TCF20: variants seen among roughly 807,000 people sequenced by gnomAD.
TCF20 encodes SPRE-binding protein.
In TCF20, 3 loss-of-function variants were observed where a neutral mutation model predicts 148.6. The ratio of observed to expected loss-of-function variants is 0.02; its 90% confidence interval spans 0.01 to 0.05. TCF20 has a LOEUF of 0.05. Among genes scored for constraint, TCF20 ranks in the 10% least tolerant of loss-of-function variants. The pLI is 1.00. For synonymous variants in TCF20, 1,049 were observed against 909.5 expected (o/e 1.15, Z -2.76); for missense variants, 2,350 against 2,429.3 (o/e 0.97, Z 0.69).
At chr22:42,164,343 T>C (rs550101128) in intron 5 of TCF20, among the ~76,000 whole-genome samples, 1 of 151,550 alleles carries the variant, frequency 6.6e-6, no homozygotes, top group African/African-American at 2.4e-5. Flanking sequence ...GTCTCCCGAG[T>C]AGCTGGGACT....
intron 2 of TCF20, among the ~76,000 whole-genome samples, chr22:42,185,650 T>C (rs1937008638): frequency 6.6e-6 from 1 of 152,216 alleles, no homozygotes; most frequent in African/African-American, 2.4e-5. Context: ...TTCAAGGCCC[T>C]GTGAGCATTT....
At chr22:42,336,300 A>G (rs894637363) in intron 1 of TCF20, among the ~76,000 whole-genome samples, 35 of 152,148 alleles carry the variant, frequency 2.3e-4, no homozygotes, top group African/African-American at 8.2e-4. Context: ...CCCACCCCAG[A>G]CAGCCTCTCT....
upstream of TCF20, among the ~76,000 whole-genome samples, chr22:42,284,794 C>T (rs86669): frequency 0.47 from 71,466 of 152,136 alleles, 17,399 homozygotes; most frequent in South Asian, 0.58. Flanking sequence ...GCACCTACTA[C>T]CTGCAAGCCC....
chr22:42,253,971 G>A (rs1925576341), intron 1 of TCF20, among the ~76,000 whole-genome samples: 1 of 151,764 alleles, frequency 6.6e-6, no homozygotes, highest in African/African-American at 2.4e-5. Flanking sequence ...AGCTACTTGG[G>A]AGGCTGAGGC....
chr22:42,338,667 C>T lies in TCF20; in HGVS notation c.-37+4812G>A, dbSNP rs1013783239. On this transcript the variant is annotated intron_variant, in intron 1 of 1. Transcript: ENST00000515426. This position sits in a 1 kb window ranked among gnomAD's most constrained non-coding sequence, Gnocchi z 4.0. ...CAGACAGCCATGTTGCCAGCTCCTG[C>T]GACGGAGGCTGCCAGGCGGGACGGG... Among the ~76,000 whole-genome samples, 7 of 152,196 alleles carry T rather than the reference C, an allele frequency of 4.6e-5. No homozygotes were observed. Among genetic ancestry groups the T allele is most frequent in the Admixed American group, 3.3e-4 (5 of 15,280 alleles).
chr22:42,245,525 C>T (rs1046734312), intron 1 of TCF20, among the ~76,000 whole-genome samples: 2 of 152,112 alleles, frequency 1.3e-5, no homozygotes, highest in Non-Finnish European at 2.9e-5. Flanking sequence ...GAACTGAGTC[C>T]TAGTACTAAA....
At chr22:42,166,802 G>C (rs1935816040) in intron 5 of TCF20, among the ~76,000 whole-genome samples, 1 of 152,076 alleles carries the variant, frequency 6.6e-6, no homozygotes, top group Admixed American at 6.6e-5. Context: ...TCCTTAACCA[G>C]GTCTTCTAGG....
In TCF20 at chr22:42,214,149, G is replaced by A. The variant is rs1241254158; in HGVS notation, c.1157C>T (p.Pro386Leu). The A allele has an allele frequency of 6.2e-7, 1 of 1,614,218 alleles. No homozygotes were observed. The change falls in exon 2 of 6, where the codon CCA becomes CTA. Residue 386 changes from proline to leucine, a missense_variant. Transcript: ENST00000677622. ...CTCCCCAGTCTGCATGAGAGGAGATGGGGTAGAACTACAGCTTGGAGACTG... is the reference window on the plus strand; with the variant it reads ...CTCCCCAGTCTGCATGAGAGGAGATAGGGTAGAACTACAGCTTGGAGACTG... ...VVQSPSCSST[P>L]SPLMQTGENL...
chr22:42,191,646 G>T (rs758958890), intron 2 of TCF20, among the ~76,000 whole-genome samples: 1 of 152,276 alleles, frequency 6.6e-6, no homozygotes, highest in Non-Finnish European at 1.5e-5. Context: ...TAATCAGAGG[G>T]TTTCTTTTAT....
chr22:42,265,238 A>G (rs1356801617), intron 1 of TCF20, among the ~76,000 whole-genome samples: 1 of 152,210 alleles, frequency 6.6e-6, no homozygotes. Context: ...CCAATAATCA[A>G]AAACTATCCA....
At chr22:42,220,490 C>A (rs1922258390) in intron 1 of TCF20, among the ~76,000 whole-genome samples, 2 of 152,142 alleles carry the variant, frequency 1.3e-5, no homozygotes, top group African/African-American at 4.8e-5. Flanking sequence ...GTGCCTGGCC[C>A]CAGCTAATTT....
Position 42,174,806 on chromosome 22 carries a change from T to C in TCF20, c.5749+4803A>G, listed in dbSNP as rs10427675. 1.9e-3 allele frequency among the ~76,000 whole-genome samples: 281 copies of C among 151,408 alleles called. 3 individuals carry two copies. The highest frequency in any genetic ancestry group is 6.8e-3 in the Middle Eastern group (2 of 294). On this transcript the variant is annotated intron_variant, in intron 3 of 5. Coordinates refer to ENST00000677622, the MANE Select transcript of TCF20 (RefSeq NM_001378418.1). ...ATCCCAGCACTTTGGGGGGCCAAGG[T>C]GGGCAGATCACAAGGTCAGGAGATC...
chr22:42,313,897 G>C (rs1927582445), intron 1 of TCF20, among the ~76,000 whole-genome samples: 2 of 152,198 alleles, frequency 1.3e-5, no homozygotes, highest in African/African-American at 4.8e-5. Context: ...ACCGCGCCGG[G>C]CCAACAGAAT....
intron 1 of TCF20, among the ~76,000 whole-genome samples, chr22:42,239,235 G>A (rs1027835035): frequency 6.6e-6 from 1 of 152,168 alleles, no homozygotes; most frequent in Admixed American, 6.5e-5. Flanking sequence ...CCAGCACTTT[G>A]GGAGGCCGAA....
At chr22:42,321,454 CT>C (rs1927731439) in intron 1 of TCF20, among the ~76,000 whole-genome samples, 1 of 146,220 alleles carries the variant, frequency 6.8e-6, no homozygotes, top group African/African-American at 2.4e-5. Context: ...CTCTACACCC[CT>C]GTCCACTCTT....
intron 1 of TCF20, among the ~76,000 whole-genome samples, chr22:42,320,702 T>C (rs539070928): frequency 6.6e-6 from 1 of 152,196 alleles, no homozygotes; most frequent in African/African-American, 2.4e-5. Flanking sequence ...AGTGCATAAA[T>C]GAACAAAAGA....
At chr22:42,163,835 G>A (rs1415220481) in intron 5 of TCF20, among the ~76,000 whole-genome samples, 1 of 152,196 alleles carries the variant, frequency 6.6e-6, no homozygotes, top group African/African-American at 2.4e-5. Context: ...CCAGCTGCCA[G>A]CATCCAGGGT....
chr22:42,279,045 G>A lies in TCF20; in HGVS notation c.-37+4782C>T, dbSNP rs1926843814. On this transcript the variant is annotated intron_variant, in intron 1 of 5. Coordinates refer to the TCF20 transcript ENST00000359486. The surrounding 1 kb of genome is among the most constrained non-coding windows in gnomAD (Gnocchi z 4.3). ...TCCCATTATCAGTATATCCCTCTGTGGGCAAATGATGACAGACATGCATGG... is the reference window on the plus strand; with the variant it reads ...TCCCATTATCAGTATATCCCTCTGTAGGCAAATGATGACAGACATGCATGG... Among the ~76,000 whole-genome samples the A allele has an allele frequency of 6.6e-6, 1 of 152,146 alleles. No homozygotes were observed. The highest frequency in any genetic ancestry group is 6.5e-5 in the Admixed American group (1 of 15,274).
chr22:42,310,790 A>G (rs922343053), intron 1 of TCF20, among the ~76,000 whole-genome samples: 12 of 152,150 alleles, frequency 7.9e-5, no homozygotes, highest in Admixed American at 2.0e-4. Context: ...AGCCAGCCCC[A>G]ACAGGTGGAT....
Sources: gnomAD v4.1 joint callset for allele counts (sites outside exome capture counted in the v4.1 genomes callset) on GRCh38, gnomAD v4.1.1 for gene constraint, Gnocchi (gnomAD v3.1) non-coding constraint, MANE v1.5 for transcripts, NCBI Gene and HGNC (gene_info 2026-07-23, HGNC 2026-07-21) for gene names.